The following CCDC192 variants were observed in gnomAD, a reference collection of about 807,000 sequenced individuals.
The protein encoded by CCDC192 is coiled-coil domain containing 192, also known as coiled-coil domain-containing protein 192.
intron 3 of CCDC192, among the ~76,000 whole-genome samples, chr5:127,784,329 C>A (rs1265916176): frequency 6.6e-6 from 1 of 152,178 alleles, no homozygotes; most frequent in African/African-American, 2.4e-5. Flanking sequence ...GAGCCCATGT[C>A]TTGATTTAAA....
chr5:127,921,110 AAGGAGAAAGGAGAGGAAAGGAC>A (rs1554086055), intron 6 of CCDC192, among the ~76,000 whole-genome samples: 1 of 126,788 alleles, frequency 7.9e-6, no homozygotes, highest in Admixed American at 7.6e-5. Context: ...AAGGAAAGGA[AAGGAGAAAGGAGAGGAAAGGAC>A]AGGAGAAAGG....
chr5:127,849,528 C>T (rs775951712), intron 5 of CCDC192, among the ~76,000 whole-genome samples: 3 of 152,152 alleles, frequency 2.0e-5, no homozygotes, highest in South Asian at 2.1e-4. Flanking sequence ...GTGATTTCGT[C>T]GGCCCTGAGA....
intron 5 of CCDC192, among the ~76,000 whole-genome samples, chr5:127,822,378 T>C (rs1445735041): frequency 1.3e-5 from 2 of 152,136 alleles, no homozygotes; most frequent in Non-Finnish European, 2.9e-5. Flanking sequence ...TTCTAAAATA[T>C]TTACAGGATG....
intron 5 of CCDC192, among the ~76,000 whole-genome samples, chr5:127,861,945 G>A (rs1751389665): frequency 6.6e-6 from 1 of 152,142 alleles, no homozygotes; most frequent in Admixed American, 6.6e-5. Flanking sequence ...GTGAAAACAG[G>A]TATGGAAACA....
At chr5:127,759,761 A>G (rs916294498) in intron 3 of CCDC192, among the ~76,000 whole-genome samples, 8 of 152,152 alleles carry the variant, frequency 5.3e-5, no homozygotes, top group Admixed American at 1.3e-4. Context: ...TTTCTCACAC[A>G]CACACACTGC....
intron 3 of CCDC192, among the ~76,000 whole-genome samples, chr5:127,763,770 T>A (rs1314205776): frequency 1.3e-5 from 2 of 152,154 alleles, no homozygotes; most frequent in Admixed American, 1.3e-4. Flanking sequence ...CCTCATTTCT[T>A]AGAGTCAAAT....
chr5:127,868,795 A>G (rs1444275145), intron 5 of CCDC192, among the ~76,000 whole-genome samples: 7 of 152,138 alleles, frequency 4.6e-5, no homozygotes, highest in African/African-American at 9.7e-5. Context: ...CAAAAAAAAA[A>G]AGAGAGAATC....
intron 5 of CCDC192, among the ~76,000 whole-genome samples, chr5:127,842,879 C>T (rs1750349881): frequency 6.6e-6 from 1 of 152,170 alleles, no homozygotes; most frequent in Admixed American, 6.5e-5. Flanking sequence ...GAGACTGTCA[C>T]AACTTCCACT....
intron 2 of CCDC192, among the ~76,000 whole-genome samples, chr5:127,738,748 C>T (rs1169365763): frequency 6.6e-6 from 1 of 152,200 alleles, no homozygotes; most frequent in Non-Finnish European, 1.5e-5. Flanking sequence ...CTGCATTCGT[C>T]ACGTAGTTCT....
intron 5 of CCDC192, among the ~76,000 whole-genome samples, chr5:127,804,286 T>C (rs1757664181): frequency 6.6e-6 from 1 of 152,170 alleles, no homozygotes; most frequent in South Asian, 2.1e-4. Context: ...ACCCAGATAT[T>C]CTCTACAATT....
chr5:127,714,581 A>G (rs770205546), intron 2 of CCDC192, among the ~76,000 whole-genome samples: 2 of 151,818 alleles, frequency 1.3e-5, no homozygotes, highest in Non-Finnish European at 2.9e-5. Flanking sequence ...TTAAGTAGAG[A>G]TAGAGTTTCA....
intron 3 of CCDC192, among the ~76,000 whole-genome samples, chr5:127,790,134 A>T (rs940848937): frequency 6.6e-5 from 10 of 152,318 alleles, no homozygotes; most frequent in African/African-American, 2.2e-4. Context: ...AGGGCAGAGT[A>T]TCAAACCAAA....
chr5:127,916,302 C>T (rs1456997578), intron 6 of CCDC192, among the ~76,000 whole-genome samples: 1 of 152,176 alleles, frequency 6.6e-6, no homozygotes, highest in African/African-American at 2.4e-5. Flanking sequence ...TTATTTTCTC[C>T]ACTGAAGTCT....
At chr5:127,807,966 G>A (rs1007908881) in intron 5 of CCDC192, among the ~76,000 whole-genome samples, 2 of 151,924 alleles carry the variant, frequency 1.3e-5, no homozygotes, top group Admixed American at 1.3e-4. Context: ...ACGTACTGTG[G>A]GAGGATTTTA....
intron 3 of CCDC192, among the ~76,000 whole-genome samples, chr5:127,767,398 T>A (rs1025878965): frequency 6.6e-6 from 1 of 152,188 alleles, no homozygotes; most frequent in Non-Finnish European, 1.5e-5. Flanking sequence ...GAAATAAGAT[T>A]TATAGAAAGT....
At chr5:127,719,832 G>GATC (rs1554068213) in intron 2 of CCDC192, among the ~76,000 whole-genome samples, 1 of 112,228 alleles carries the variant, frequency 8.9e-6, no homozygotes, top group African/African-American at 3.8e-5. Flanking sequence ...CAGAGGAAGG[G>GATC]GCGGGGGAGG....
chr5:127,805,422 A>C (rs754357673), intron 5 of CCDC192, among the ~76,000 whole-genome samples: 18 of 152,200 alleles, frequency 1.2e-4, no homozygotes, highest in Non-Finnish European at 2.2e-4. Context: ...TTTCACTTCT[A>C]AGTCAGTATT....
At chr5:127,824,866 A>G (rs1358443283) in intron 5 of CCDC192, among the ~76,000 whole-genome samples, 1 of 152,190 alleles carries the variant, frequency 6.6e-6, no homozygotes, top group African/African-American at 2.4e-5. Context: ...GTGCTAAGAT[A>G]AATGGTGACA....
intron 2 of CCDC192, among the ~76,000 whole-genome samples, chr5:127,751,015 C>T (rs1417233393): frequency 7.6e-5 from 11 of 145,128 alleles, no homozygotes; most frequent in South Asian, 4.8e-4. Flanking sequence ...TGTCTCTGCA[C>T]GTGAGATGGG....
Sources: allele counts gnomAD v4.1 joint callset (sites outside exome capture counted in the v4.1 genomes callset), GRCh38; gene constraint gnomAD v4.1.1; transcripts MANE v1.5; gene names NCBI Gene and HGNC (gene_info 2026-07-23, HGNC 2026-07-21).